PCCA: variants seen among roughly 807,000 people sequenced by gnomAD.
The protein encoded by PCCA is propionyl-CoA carboxylase alpha chain, mitochondrial.
PCCA carries 74 observed loss-of-function variants against 101.3 expected under a neutral mutation model. The ratio of observed to expected loss-of-function variants is 0.73; its 90% CI spans 0.61 to 0.89. The LOEUF (loss-of-function observed/expected upper bound fraction) is 0.89. Among genes scored for constraint, PCCA ranks in the 40% least tolerant of loss-of-function variants. The pLI, the probability that PCCA is intolerant of heterozygous loss-of-function variation, is 0.00. For synonymous variants in PCCA, 294 were observed against 313.6 expected, an observed-to-expected ratio of 0.94 and a Z score of 0.66; for missense variants, 891 against 907.0, an observed-to-expected ratio of 0.98 and a Z score of 0.23.
At chr13:100,114,286 T>C (rs1594160733) in intron 4 of PCCA, among the ~76,000 whole-genome samples, 1 of 152,100 alleles carries the variant, frequency 6.6e-6, no homozygotes, top group Non-Finnish European at 1.5e-5. Flanking sequence ...GATTAAAAAA[T>C]GGGCAAAATG....
At chr13:100,493,604 A>G (rs1939578888) in intron 21 of PCCA, among the ~76,000 whole-genome samples, 1 of 152,194 alleles carries the variant, frequency 6.6e-6, no homozygotes, top group Non-Finnish European at 1.5e-5. Flanking sequence ...GTCTTGAGAA[A>G]TCCCTCTTGT....
intron 19 of PCCA, among the ~76,000 whole-genome samples, chr13:100,399,017 A>G (rs1417945910): frequency 1.3e-5 from 2 of 152,114 alleles, no homozygotes; most frequent in Non-Finnish European, 2.9e-5. Flanking sequence ...AAATAGACGC[A>G]TTGGTTAATT....
chr13:100,187,805 A>C (rs2057412090), intron 6 of PCCA, among the ~76,000 whole-genome samples: 1 of 152,118 alleles, frequency 6.6e-6, no homozygotes, highest in Non-Finnish European at 1.5e-5. Flanking sequence ...TGATTACATG[A>C]ATAAGTTCTT....
chr13:100,330,746 CTA>C (rs1157163385), intron 17 of PCCA, 75 bp downstream of exon 17: 5 of 899,090 alleles, frequency 5.6e-6, no homozygotes, highest in African/African-American at 1.7e-5. Flanking sequence ...TAATTTCACT[CTA>C]TTTTGAAATT....
intron 19 of PCCA, among the ~76,000 whole-genome samples, chr13:100,419,422 A>G (rs537533382): frequency 6.6e-6 from 1 of 152,130 alleles, no homozygotes; most frequent in African/African-American, 2.4e-5. Flanking sequence ...CAGTGGGCCA[A>G]GATTGTACCA....
chr13:100,440,182 ATATATATATATATATATATATATAT>A (rs2080252164), intron 20 of PCCA, among the ~76,000 whole-genome samples: 1 of 94,534 alleles, frequency 1.1e-5, no homozygotes, highest in Non-Finnish European at 2.0e-5. Context: ...ATATATATAT[ATATATATATATATATATATATATAT>A]ATAAAACGTG....
chr13:100,176,133 G>A (rs1429644379), intron 6 of PCCA, among the ~76,000 whole-genome samples: 1 of 152,144 alleles, frequency 6.6e-6, no homozygotes, highest in Non-Finnish European at 1.5e-5. Context: ...TTGCCTGATT[G>A]GTAGGTACCA....
At chr13:100,436,451 C>T (rs2079940090) in intron 20 of PCCA, among the ~76,000 whole-genome samples, 1 of 152,208 alleles carries the variant, frequency 6.6e-6, no homozygotes, top group South Asian at 2.1e-4. Context: ...GGGAAATTGA[C>T]TGTCCGATTT....
intron 21 of PCCA, among the ~76,000 whole-genome samples, chr13:100,471,833 G>A (rs1378034768): frequency 6.6e-6 from 1 of 152,192 alleles, no homozygotes; most frequent in Admixed American, 6.5e-5. Context: ...CTTCTCGTGT[G>A]CAGGCCAACT....
chr13:100,299,158 G>C (rs888561333), intron 12 of PCCA, among the ~76,000 whole-genome samples: 2 of 152,038 alleles, frequency 1.3e-5, no homozygotes, highest in African/African-American at 4.8e-5. Flanking sequence ...CTGCTTAGTT[G>C]CTTCTAATTT....
In PCCA at chr13:100,497,876, CT is replaced by C. The variant is rs893856927; in HGVS notation, c.1900-17542del. ...AGTTTTTCCTTCTTTTTTTACTTTT[CT>C]TTTTTTTTAGACACAGGGTCTCACT... On this transcript the variant is annotated intron_variant, in intron 21 of 23. Transcript: ENST00000376285. Among the ~76,000 whole-genome samples the C allele has an allele frequency of 2.0e-5, 3 of 150,764 alleles. No homozygotes were observed. In the South Asian group the frequency reaches 6.3e-4, roughly 32 times the overall value.
chr13:100,239,313 A>G (rs1482495131), intron 8 of PCCA, among the ~76,000 whole-genome samples: 1 of 151,972 alleles, frequency 6.6e-6, no homozygotes, highest in Admixed American at 6.6e-5. Flanking sequence ...TTTGACTCCA[A>G]AGACCACAGA....
At chr13:100,426,881 A>G (rs2079181967) in intron 20 of PCCA, among the ~76,000 whole-genome samples, 1 of 152,356 alleles carries the variant, frequency 6.6e-6, no homozygotes, top group South Asian at 2.1e-4. Flanking sequence ...ATATCACTAC[A>G]TAATTTCACA....
chr13:100,526,790 C>A (rs552048391), intron 22 of PCCA, among the ~76,000 whole-genome samples: 40 of 152,390 alleles, frequency 2.6e-4, no homozygotes, highest in Non-Finnish European at 3.8e-4. Flanking sequence ...CAGCTCACTC[C>A]TGCAGGGAAG....
intron 19 of PCCA, among the ~76,000 whole-genome samples, chr13:100,384,027 A>ATTTTTTTTT (rs11301747): frequency 7.4e-6 from 1 of 134,828 alleles, no homozygotes; most frequent in East Asian, 2.1e-4. Flanking sequence ...TGAAAGTTTG[A>ATTTTTTTTT]TTTTTTTTTT....
At chr13:100,428,295 T>G in intron 20 of PCCA, among the ~76,000 whole-genome samples, 1 of 151,260 alleles carries the variant, frequency 6.6e-6, no homozygotes, top group East Asian at 2.0e-4. Context: ...TTGGAACTCC[T>G]GGGCTCAAGC....
intron 8 of PCCA, among the ~76,000 whole-genome samples, chr13:100,242,971 A>G (rs960034443): frequency 2.6e-5 from 4 of 152,168 alleles, no homozygotes; most frequent in Non-Finnish European, 5.9e-5. Flanking sequence ...ATCTCAGCTC[A>G]CTGCAACCTC....
At chr13:100,519,368 G>A (rs1025052941) in intron 22 of PCCA, among the ~76,000 whole-genome samples, 4 of 152,254 alleles carry the variant, frequency 2.6e-5, no homozygotes, top group African/African-American at 9.6e-5. Flanking sequence ...GTGGGGCTAA[G>A]ATGAAAAGAT....
chr13:100,479,530 G>A (rs1011672183), intron 21 of PCCA: 1 of 152,190 alleles, frequency 6.6e-6, no homozygotes, highest in Admixed American at 6.5e-5. Flanking sequence ...CTGCAATAAA[G>A]TAAGCTAGAG....
Sources: gnomAD v4.1 joint callset for allele counts (sites outside exome capture counted in the v4.1 genomes callset) on GRCh38, gnomAD v4.1.1 for gene constraint, MANE v1.5 for transcripts, NCBI Gene and HGNC (gene_info 2026-07-23, HGNC 2026-07-21) for gene names.